The following BEND4 variants were observed in gnomAD, a reference collection of about 807,000 sequenced individuals.
BEND4 encodes the protein BEN domain containing 4.
A neutral mutation model predicts 54.7 loss-of-function variants in BEND4; 27 were observed. The ratio of observed to expected loss-of-function variants is 0.49; its 90% CI spans 0.36 to 0.68. The LOEUF (loss-of-function observed/expected upper bound fraction) is 0.68, where lower values mean the gene tolerates loss of function less well. Ranked by LOEUF, BEND4 falls within the 30% of genes least tolerant of loss-of-function variation. The pLI, the probability that BEND4 is intolerant of heterozygous loss-of-function variation, is 0.00. For missense variants in BEND4, 702 were observed against 697.2 expected (o/e 1.01, Z -0.08); for synonymous variants, 327 against 299.5 (o/e 1.09, Z -0.95).
In BEND4 at chr4:42,145,093, A is replaced by G. The variant is rs568495641; in HGVS notation, c.488-1099T>C. On this transcript the variant is annotated intron_variant, in intron 2 of 5. Coordinates refer to ENST00000502486, the MANE Select transcript of BEND4 (RefSeq NM_207406.4). The stretch of plus-strand genomic sequence containing the variant: ...AACTATTGTTTAAGATAAAAATGCA[A>G]CTAGCACTAGCTCTCTCTGAAAATG... Among the ~76,000 whole-genome samples, 14 of 152,360 alleles carry G rather than the reference A, an allele frequency of 9.2e-5. No homozygotes were observed. The East Asian group carries it at 2.3e-3, about 25-fold the overall frequency.
At chr4:42,138,640 C>T (rs1720780016) in intron 3 of BEND4, among the ~76,000 whole-genome samples, 1 of 152,214 alleles carries the variant, frequency 6.6e-6, no homozygotes, top group Admixed American at 6.5e-5. Context: ...TACAGCTTCA[C>T]TACAGTAACC....
In BEND4 at chr4:42,115,923, A is replaced by G. The variant is rs1385383424; in HGVS notation, c.*1595T>C. 6.6e-6 allele frequency: 1 copy of G among 152,236 alleles called. No individual in the cohort carries two copies. The highest frequency in any genetic ancestry group is 1.9e-4 in the East Asian group (1 of 5,206). The allele number at this position is 152,236 out of a possible 1,614,324, so 9.4% of individuals were successfully genotyped here. On this transcript the variant is annotated 3_prime_UTR_variant, in exon 6 of 6. Transcript: ENST00000502486. Reference sequence around the variant, plus strand: ...AATATTAGTGCCCACTACATCATTGAGCAGATCTGACAGATGACCACCTCC... The same window carrying G: ...AATATTAGTGCCCACTACATCATTGGGCAGATCTGACAGATGACCACCTCC...
Position 42,120,098 on chromosome 4 carries a change from G to A in BEND4, c.1343C>T (p.Pro448Leu), listed in dbSNP as rs780645685. ...KRSVQSGETGPERRPLDPVKV... is the reference protein window; with the variant it reads ...KRSVQSGETGLERRPLDPVKV... Reference sequence around the variant, plus strand: ...AACTGGATCCAGAGGGCGTCTTTCGGGACCTGTCTCTCCTGACTGCACTGA... The same window carrying A: ...AACTGGATCCAGAGGGCGTCTTTCGAGACCTGTCTCTCCTGACTGCACTGA... The change falls in exon 5 of 6, where the codon CCC (proline) becomes CTC (leucine). Residue 448 changes from proline (P) to leucine (L), a missense_variant. Transcript: ENST00000502486. 1.4e-5 allele frequency: 23 copies of A among 1,613,852 alleles called. No homozygotes were observed. The highest frequency in any genetic ancestry group is 1.9e-5 in the Non-Finnish European group (23 of 1,179,892).
chr4:42,120,352 T>C, intron 4 of BEND4, 58 bp from the exon 5 acceptor site: 1 of 1,562,190 alleles, frequency 6.4e-7, no homozygotes, highest in Non-Finnish European at 8.7e-7. Context: ...GAAGCAGAAG[T>C]GATCTCCATT....
intron 2 of BEND4, among the ~76,000 whole-genome samples, chr4:42,146,265 T>C (rs868327120): frequency 6.6e-6 from 1 of 152,142 alleles, no homozygotes; most frequent in African/African-American, 2.4e-5. Context: ...CCTCCACATA[T>C]GTGTATGTGA....
chr4:42,140,655 T>C (rs1364435028), intron 3 of BEND4, among the ~76,000 whole-genome samples: 3 of 152,200 alleles, frequency 2.0e-5, no homozygotes, highest in Non-Finnish European at 4.4e-5. Flanking sequence ...TGACCTGCTA[T>C]GGGTTCGGTA....
intron 3 of BEND4, among the ~76,000 whole-genome samples, chr4:42,132,364 G>A (rs984116129): frequency 2.0e-5 from 3 of 152,218 alleles, no homozygotes; most frequent in African/African-American, 4.8e-5. Flanking sequence ...TCAGGGGATC[G>A]TTGAGGAGCT....
At position 42,117,689 on chromosome 4, in the gene BEND4, G is replaced by A; in HGVS notation, c.1434C>T (p.Pro478=). Residue 478 remains proline, a synonymous_variant, in exon 6 of 6, where the codon CCC becomes CCT. Coordinates refer to ENST00000502486, the MANE Select transcript of BEND4 (RefSeq NM_207406.4). ...HCTSNPDWWM[P]SEEQINKVFS... ...ACACTTTGTTTATCTGCTCTTCCGA[G>A]GGCATCCACCAATCGGGGTTGGAGG... is the stretch of plus-strand genomic sequence containing the variant. 3.1e-6 allele frequency: 5 copies of A among 1,610,010 alleles called. No homozygotes were observed. The highest frequency in any genetic ancestry group is 3.4e-6 in the Non-Finnish European group (4 of 1,178,174).
intron 4 of BEND4, among the ~76,000 whole-genome samples, chr4:42,121,229 T>G (rs1383355624): frequency 3.9e-5 from 6 of 152,200 alleles, no homozygotes; most frequent in Non-Finnish European, 8.8e-5. Flanking sequence ...TTGGATCTGA[T>G]AGGGTTTTAT....
rs1351812881 is a variant in BEND4 at position 42,116,125 on chromosome 4, A to G, written c.*1393T>C. On this transcript the variant is annotated 3_prime_UTR_variant, in exon 6 of 6. Coordinates refer to ENST00000502486, the MANE Select transcript of BEND4 (RefSeq NM_207406.4). ...AAAATAGCCCAAAAACCCTTTATCA[A>G]TGGATGCTCATTAACCTGAATCTCC... The G allele has an allele frequency of 1.3e-5, 2 of 152,218 alleles. No individual in the cohort carries two copies. The highest frequency in any genetic ancestry group is 4.8e-5 in the African/African-American group (2 of 41,452). 9.4% of individuals were successfully genotyped at this position (152,218 alleles called of 1,614,324 possible).
intron 3 of BEND4, among the ~76,000 whole-genome samples, chr4:42,128,068 G>A (rs1720353007): frequency 6.6e-6 from 1 of 152,116 alleles, no homozygotes; most frequent in Non-Finnish European, 1.5e-5. Flanking sequence ...GAATAAGCTG[G>A]GAGGATCACT....
intron 3 of BEND4, among the ~76,000 whole-genome samples, chr4:42,136,568 A>G (rs1304003336): frequency 5.9e-5 from 9 of 152,250 alleles, no homozygotes; most frequent in Admixed American, 5.9e-4. Flanking sequence ...ACATGCATAC[A>G]TTCCCAGCTG....
intron 3 of BEND4, among the ~76,000 whole-genome samples, chr4:42,127,689 A>G (rs946803404): frequency 1.3e-5 from 2 of 152,238 alleles, no homozygotes; most frequent in African/African-American, 4.8e-5. Context: ...CCAAAGCAGC[A>G]TTCTGTTCTT....
intron 3 of BEND4, 27 bp from the exon 4 acceptor site, chr4:42,125,701 C>G: frequency 2.1e-6 from 3 of 1,413,734 alleles, no homozygotes; most frequent in Non-Finnish European, 2.9e-6. Flanking sequence ...GCAACAATTA[C>G]ACATTGGCTA....
chr4:42,117,661 T>G lies in BEND4; in HGVS notation c.1462A>C (p.Ser488Arg), dbSNP rs1467125985. 1 of 1,611,388 alleles carries G rather than the reference T, an allele frequency of 6.2e-7. No individual in the cohort carries two copies. The highest frequency in any genetic ancestry group is 1.7e-5 in the Admixed American group (1 of 59,678). Residue 488 changes from serine to arginine, a missense_variant, in exon 6 of 6, where the codon AGC becomes CGC. By Grantham distance (110) the Ser-to-Arg change is moderately radical (BLOSUM62 -1). Transcript: ENST00000502486. ...PSEEQINKVF[S>R]DAVGHARQGR... is the part of the protein sequence containing the mutation. ...TGTCGGGCGTGACCGACAGCGTCGC[T>G]GAACACTTTGTTTATCTGCTCTTCC...
intron 5 of BEND4, among the ~76,000 whole-genome samples, chr4:42,118,221 AG>A (rs1719922369): frequency 1.3e-5 from 2 of 152,242 alleles, no homozygotes; most frequent in South Asian, 4.1e-4. Flanking sequence ...CCTAAGTGTT[AG>A]TTCAGAAAAG....
intron 4 of BEND4, among the ~76,000 whole-genome samples, chr4:42,123,100 G>C (rs539109942): frequency 6.6e-6 from 1 of 152,254 alleles, no homozygotes; most frequent in Non-Finnish European, 1.5e-5. Context: ...TCAAGAAAAA[G>C]GGAAAGAAAA....
rs970607080 is a variant in BEND4, at chr4:42,126,032, C to T, written c.1055-358G>A. Among the ~76,000 whole-genome samples the T allele has an allele frequency of 3.3e-5, 5 of 152,044 alleles. No homozygotes were observed. The South Asian group carries it at 1.0e-3, about 32-fold the overall frequency. On this transcript the variant is annotated intron_variant, in intron 3 of 5. Coordinates refer to ENST00000502486, the MANE Select transcript of BEND4 (RefSeq NM_207406.4). The stretch of plus-strand genomic sequence containing the variant: ...CTGGGTTCACAGGCGCAAGCCACCG[C>T]ACCCAGCCTCTAAAAAGATTTTTGA...
At chr4:42,138,221 A>G (rs1720760536) in intron 3 of BEND4, among the ~76,000 whole-genome samples, 1 of 152,186 alleles carries the variant, frequency 6.6e-6, no homozygotes, top group Admixed American at 6.5e-5. Flanking sequence ...AAACTGTGGT[A>G]TATTATTGGA....
Sources: gnomAD v4.1 joint callset for allele counts (sites outside exome capture counted in the v4.1 genomes callset) on GRCh38, gnomAD v4.1.1 for gene constraint, MANE v1.5 for transcripts, NCBI Gene and HGNC (gene_info 2026-07-23, HGNC 2026-07-21) for gene names.